The following CSMD1 variants were observed in gnomAD, a reference collection of about 807,000 sequenced individuals.
CSMD1 encodes the protein CUB and Sushi multiple domains 1.
Under a neutral mutation model 417.5 loss-of-function variants are expected in CSMD1, and 213 were observed. That is an observed-to-expected ratio of 0.51 (90% confidence interval 0.46 to 0.57). CSMD1 has a LOEUF of 0.57. Among genes scored for constraint, CSMD1 ranks in the 20% least tolerant of loss-of-function variants. CSMD1 has a pLI of 0.00. For missense variants in CSMD1, 6,923 were observed against 4,529.7 expected (o/e 1.53, Z -15.17); for synonymous variants, 2,862 against 1,736.8 (o/e 1.65, Z -16.11).
chr8:3,405,768 C>T (rs1018253626), intron 15 of CSMD1, among the ~76,000 whole-genome samples: 3 of 152,210 alleles, frequency 2.0e-5, no homozygotes, highest in Non-Finnish European at 1.5e-5. Context: ...TGCCAAACAC[C>T]GCCAGGAGCT....
At chr8:3,863,643 T>C (rs375914342) in intron 5 of CSMD1, among the ~76,000 whole-genome samples, 1 of 152,066 alleles carries the variant, frequency 6.6e-6, no homozygotes, top group African/African-American at 2.4e-5. Context: ...CTACTGTAAG[T>C]TACAAATATT....
At chr8:4,216,533 C>A (rs985483408) in intron 3 of CSMD1, among the ~76,000 whole-genome samples, 1 of 152,154 alleles carries the variant, frequency 6.6e-6, no homozygotes, top group East Asian at 1.9e-4. Flanking sequence ...ACTAAGAATT[C>A]TCAAGATCAA....
chr8:3,685,915 C>T (rs756711552), intron 7 of CSMD1, among the ~76,000 whole-genome samples: 1 of 152,094 alleles, frequency 6.6e-6, no homozygotes, highest in African/African-American at 2.4e-5. Context: ...CAATCCAATA[C>T]ACTCTTTTAG....
chr8:4,023,816 A>G lies in CSMD1; in HGVS notation c.610+8089T>C, dbSNP rs1796918210. On this transcript the variant is annotated intron_variant, in intron 4 of 69. Transcript: ENST00000635120. ...GTATTTTTAGTAGAGACGGGGTTTC[A>G]GCATGTTAGCCAGGATGGCCTCGAT... Among the ~76,000 whole-genome samples, 2 of 118,742 alleles carry G rather than the reference A, an allele frequency of 1.7e-5. 1 individual carries two copies. Among genetic ancestry groups the G allele is most frequent in the African/African-American group, 6.7e-5 (2 of 29,924 alleles). 77.9% of individuals were successfully genotyped at this position (118,742 alleles called of 152,430 possible). A position where few individuals can be genotyped will look rare whatever the true frequency, so the allele number is the denominator to read the frequency against.
intron 1 of CSMD1, among the ~76,000 whole-genome samples, chr8:4,985,198 C>G (rs147414764): frequency 6.6e-6 from 1 of 151,900 alleles, no homozygotes; most frequent in African/African-American, 2.4e-5. Flanking sequence ...CAACACACAC[C>G]GGGGCCTGTC....
At chr8:3,751,594 T>C (rs967773770) in intron 6 of CSMD1, among the ~76,000 whole-genome samples, 17 of 151,172 alleles carry the variant, frequency 1.1e-4, no homozygotes, top group African/African-American at 3.4e-4. Context: ...TTGTATTGTT[T>C]ATATAATTTA....
At chr8:3,002,262 G>A (rs1364905529) in intron 52 of CSMD1, among the ~76,000 whole-genome samples, 3 of 152,234 alleles carry the variant, frequency 2.0e-5, no homozygotes, top group Non-Finnish European at 4.4e-5. Flanking sequence ...CACAGGCACA[G>A]AGGACATTGT....
Position 3,181,079 on chromosome 8 carries a change from G to T in CSMD1, c.5725+31C>A, listed in dbSNP as rs1331079138. On this transcript the variant is annotated intron_variant, in intron 37 of 69. Transcript: ENST00000635120. ...TAAAAAAATGACTCAGTATAACAGT[G>T]GAAGCTGTATACAGAAAGAGTTGAC... 6 of 1,359,314 alleles carry T rather than the reference G, an allele frequency of 4.4e-6. No individual in the cohort carries two copies. In the East Asian group the frequency reaches 1.4e-4, roughly 31 times the overall value. The allele number at this position is 1,359,314 out of a possible 1,614,324, so 84.2% of individuals were successfully genotyped here. A position where few individuals can be genotyped will look rare whatever the true frequency, so the allele number is the denominator to read the frequency against.
At chr8:4,024,728 T>C (rs1214663055) in intron 4 of CSMD1, among the ~76,000 whole-genome samples, 1 of 152,172 alleles carries the variant, frequency 6.6e-6, no homozygotes, top group Non-Finnish European at 1.5e-5. Context: ...GAGTTGCACA[T>C]AGGAGCTACT....
chr8:3,615,465 C>A (rs886239427), intron 8 of CSMD1, among the ~76,000 whole-genome samples: 2 of 152,126 alleles, frequency 1.3e-5, no homozygotes, highest in Non-Finnish European at 2.9e-5. Flanking sequence ...TGGATTTCAG[C>A]GAAAACACAA....
chr8:4,163,883 C>A (rs1373824909), intron 3 of CSMD1, among the ~76,000 whole-genome samples: 4 of 152,056 alleles, frequency 2.6e-5, no homozygotes, highest in Admixed American at 1.3e-4. Context: ...AAGAGAAACA[C>A]TGGGTTTGAA....
intron 23 of CSMD1, among the ~76,000 whole-genome samples, chr8:3,342,891 A>ATGTGTGTGTGTG (rs757003156): frequency 4.7e-4 from 34 of 72,264 alleles, no homozygotes; most frequent in African/African-American, 7.1e-4. Context: ...GTATAAATAT[A>ATGTGTGTGTGTG]TGTGTGTATG....
At chr8:3,832,494 T>C (rs2129088411) in intron 5 of CSMD1, among the ~76,000 whole-genome samples, 1 of 152,314 alleles carries the variant, frequency 6.6e-6, no homozygotes, top group East Asian at 1.9e-4. Context: ...GTATCCACAT[T>C]TATCTGTTGC....
At chr8:4,707,528 G>T (rs902157993) in intron 1 of CSMD1, among the ~76,000 whole-genome samples, 2 of 152,114 alleles carry the variant, frequency 1.3e-5, no homozygotes, top group African/African-American at 4.8e-5. Context: ...ACAGTTAAAT[G>T]GAGAGGCCGC....
chr8:3,313,868 C>G (rs2117433756), intron 23 of CSMD1, among the ~76,000 whole-genome samples: 1 of 152,240 alleles, frequency 6.6e-6, no homozygotes, highest in South Asian at 2.1e-4. Flanking sequence ...TTGGAACCAA[C>G]CCAAATGTCC....
At chr8:3,954,414 G>C (rs1415214943) in intron 5 of CSMD1, among the ~76,000 whole-genome samples, 2 of 152,138 alleles carry the variant, frequency 1.3e-5, no homozygotes, top group Non-Finnish European at 2.9e-5. Flanking sequence ...CCAGGCTGGA[G>C]TGCAGTGGCG....
At chr8:4,876,828 T>C (rs1299540952) in intron 1 of CSMD1, among the ~76,000 whole-genome samples, 1 of 152,022 alleles carries the variant, frequency 6.6e-6, no homozygotes, top group Non-Finnish European at 1.5e-5. Flanking sequence ...GTTCAAGTAA[T>C]AGAAGTTAAG....
Position 4,385,073 on chromosome 8 carries a change from C to T in CSMD1, c.415+34880G>A, listed in dbSNP as rs922477859. 4.6e-5 allele frequency among the ~76,000 whole-genome samples: 7 copies of T among 152,258 alleles called. No individual in the cohort carries two copies. In the South Asian group the frequency reaches 1.5e-3, roughly 32 times the overall value. On this transcript the variant is annotated intron_variant, in intron 3 of 69. Coordinates refer to ENST00000635120, the MANE Select transcript of CSMD1 (RefSeq NM_033225.6). ...TCCCGAAGAGCTGTGATTACAGGTGCCTTCCAGCACACCCAGCTAATTTTT... is the reference window on the plus strand; with the variant it reads ...TCCCGAAGAGCTGTGATTACAGGTGTCTTCCAGCACACCCAGCTAATTTTT...
At chr8:3,399,291 GA>G (rs1486346404) in intron 16 of CSMD1, 99 bp downstream of exon 16, 5 of 1,191,618 alleles carry the variant, frequency 4.2e-6, no homozygotes, top group Non-Finnish European at 4.7e-6. Context: ...TGCGGGAACC[GA>G]AAAAAACTGC....
Sources: allele counts gnomAD v4.1 joint callset (sites outside exome capture counted in the v4.1 genomes callset), GRCh38; gene constraint gnomAD v4.1.1; transcripts MANE v1.5; gene names NCBI Gene and HGNC (gene_info 2026-07-23, HGNC 2026-07-21).